Variants in MDGA2 observed in about 807,000 individuals in gnomAD.
MDGA2 encodes MAM domain containing glycosylphosphatidylinositol anchor 2, also known as MAM domain-containing glycosylphosphatidylinositol anchor protein 2.
Under a neutral mutation model 117.8 loss-of-function variants are expected in MDGA2, and 40 were observed. That is an observed-to-expected ratio of 0.34 (90% CI 0.26 to 0.44). The LOEUF is 0.44. Among genes scored for constraint, MDGA2 ranks in the 20% least tolerant of loss-of-function variants. The pLI, the probability that MDGA2 is intolerant of heterozygous loss-of-function variation, is 1.00. For synonymous variants in MDGA2, 452 were observed against 439.0 expected (o/e 1.03, Z -0.37); for missense variants, 1,123 against 1,250.6 (o/e 0.90, Z 1.54).
intron 1 of MDGA2, among the ~76,000 whole-genome samples, chr14:47,456,224 A>C (rs908778227): frequency 6.6e-6 from 1 of 151,690 alleles, no homozygotes; most frequent in Non-Finnish European, 1.5e-5. Flanking sequence ...ATAATGGAAA[A>C]GTTGTCAAGA....
chr14:47,165,072 A>G (rs1010274255), intron 3 of MDGA2, among the ~76,000 whole-genome samples: 1 of 151,460 alleles, frequency 6.6e-6, no homozygotes, highest in Admixed American at 6.6e-5. Flanking sequence ...GGACACAGGA[A>G]GGGGAACATC....
At chr14:46,974,477 C>CACTACAGAG (rs1886380917) in intron 8 of MDGA2, among the ~76,000 whole-genome samples, 1 of 152,042 alleles carries the variant, frequency 6.6e-6, no homozygotes, top group Non-Finnish European at 1.5e-5. Flanking sequence ...TTTCAAAAGT[C>CACTACAGAG]ACTACAGAGC....
intron 8 of MDGA2, among the ~76,000 whole-genome samples, chr14:46,981,347 T>C (rs1886665355): frequency 2.6e-5 from 4 of 151,672 alleles, no homozygotes; most frequent in Admixed American, 2.6e-4. Context: ...GAGGTTGCAG[T>C]GAGCAGAGAT....
At chr14:47,606,297 C>A (rs567321261) in intron 1 of MDGA2, among the ~76,000 whole-genome samples, 4 of 152,132 alleles carry the variant, frequency 2.6e-5, no homozygotes, top group African/African-American at 9.7e-5. Context: ...TTTAATCCCA[C>A]GTAATTTCTT....
intron 3 of MDGA2, among the ~76,000 whole-genome samples, chr14:47,154,481 C>T (rs143026334): frequency 6.6e-6 from 1 of 152,282 alleles, no homozygotes; most frequent in Non-Finnish European, 1.5e-5. Context: ...AGCAGTGGAC[C>T]CGGACATCCC....
Position 47,672,570 on chromosome 14 carries a change from C to G in MDGA2, c.280+1947G>C, listed in dbSNP as rs146774209. Among the ~76,000 whole-genome samples, 284 of 152,302 alleles carry G rather than the reference C, an allele frequency of 1.9e-3. 1 individual carries two copies. Among genetic ancestry groups the G allele is most frequent in the African/African-American group, 6.6e-3 (273 of 41,558 alleles). ...CCAGCAATGTACCACTGTCTCCCCA[C>G]GTCCCCAACCTTTCTCACTTCTCAT... is the stretch of plus-strand genomic sequence containing the variant. On this transcript the variant is annotated intron_variant, in intron 1 of 16. Transcript: ENST00000399232.
At chr14:47,165,107 G>A (rs1883812645) in intron 3 of MDGA2, among the ~76,000 whole-genome samples, 1 of 152,110 alleles carries the variant, frequency 6.6e-6, no homozygotes, top group African/African-American at 2.4e-5. Context: ...GTTGTGGGGT[G>A]GGGGCAGGGG....
At chr14:47,082,209 G>A (rs151318537) in intron 6 of MDGA2, among the ~76,000 whole-genome samples, 446 of 151,816 alleles carry the variant, frequency 2.9e-3, no homozygotes, top group African/African-American at 0.01. Context: ...TGGGGTCACT[G>A]GCAGCTGATC....
intron 6 of MDGA2, among the ~76,000 whole-genome samples, chr14:47,088,574 A>G (rs904390418): frequency 2.0e-5 from 3 of 152,200 alleles, no homozygotes; most frequent in African/African-American, 7.2e-5. Context: ...CTGGAAATTC[A>G]CCACTAATTT....
intron 8 of MDGA2, among the ~76,000 whole-genome samples, chr14:47,009,036 A>G (rs1462249895): frequency 6.6e-6 from 1 of 151,986 alleles, no homozygotes; most frequent in Non-Finnish European, 1.5e-5. Context: ...AATAATGTGT[A>G]TTTGTTCCTA....
chr14:47,419,953 A>C (rs1195116675), intron 1 of MDGA2, among the ~76,000 whole-genome samples: 1 of 152,098 alleles, frequency 6.6e-6, no homozygotes, highest in Non-Finnish European at 1.5e-5. Context: ...TTAAAAGGTA[A>C]CAAGATATAA....
Position 47,609,985 on chromosome 14 carries a change from G to A in MDGA2, c.280+64532C>T, listed in dbSNP as rs138976974. ...AATCCTTAACACAATACTAGCTAACGGAATCCACCATGATCAAGTGGGTTT... is the reference window on the plus strand; with the variant it reads ...AATCCTTAACACAATACTAGCTAACAGAATCCACCATGATCAAGTGGGTTT... On this transcript the variant is annotated intron_variant, in intron 1 of 16. Coordinates refer to ENST00000399232, the MANE Select transcript of MDGA2 (RefSeq NM_001113498.3). Among the ~76,000 whole-genome samples the A allele has an allele frequency of 7.9e-4, 120 of 151,698 alleles. 1 individual carries two copies. Among genetic ancestry groups the A allele is most frequent in the African/African-American group, 2.6e-3 (109 of 41,414 alleles).
chr14:47,287,001 T>A (rs1306587030), intron 2 of MDGA2, among the ~76,000 whole-genome samples: 17 of 151,794 alleles, frequency 1.1e-4, no homozygotes, highest in Admixed American at 1.1e-3. Flanking sequence ...TTTAAGTCTT[T>A]CCTTGTGTGA....
At chr14:47,499,581 TG>T (rs1231525709) in intron 1 of MDGA2, among the ~76,000 whole-genome samples, 1 of 152,148 alleles carries the variant, frequency 6.6e-6, no homozygotes, top group Non-Finnish European at 1.5e-5. Context: ...ATCTGAACAG[TG>T]CAGTTGTCCT....
At chr14:46,919,047 C>A (rs956152009) in intron 10 of MDGA2, among the ~76,000 whole-genome samples, 1 of 152,104 alleles carries the variant, frequency 6.6e-6, no homozygotes, top group Non-Finnish European at 1.5e-5. Context: ...CAGGCGTGAG[C>A]CACCGCGCCC....
At chr14:47,221,086 G>T (rs548541060) in intron 2 of MDGA2, among the ~76,000 whole-genome samples, 3 of 152,142 alleles carry the variant, frequency 2.0e-5, no homozygotes, top group Non-Finnish European at 4.4e-5. Flanking sequence ...ATTTCCTTGG[G>T]TTAGTATACA....
At chr14:47,646,478 A>G (rs915010337) in intron 1 of MDGA2, among the ~76,000 whole-genome samples, 1 of 152,150 alleles carries the variant, frequency 6.6e-6, no homozygotes, top group Non-Finnish European at 1.5e-5. Flanking sequence ...TGCATGCTTC[A>G]GAGTCTTTCT....
chr14:47,173,753 A>C (rs1476196291), intron 3 of MDGA2, among the ~76,000 whole-genome samples: 7 of 151,562 alleles, frequency 4.6e-5, no homozygotes, highest in African/African-American at 4.9e-5. Context: ...AACGAGCAAA[A>C]TAACCAGCTA....
intron 8 of MDGA2, among the ~76,000 whole-genome samples, chr14:46,969,974 A>ATC (rs1886200370): frequency 7.0e-6 from 1 of 143,352 alleles, no homozygotes. Context: ...ATATATATAT[A>ATC]TATGGAATAA....
Sources: allele counts gnomAD v4.1 joint callset (sites outside exome capture counted in the v4.1 genomes callset), GRCh38; gene constraint gnomAD v4.1.1; transcripts MANE v1.5; gene names NCBI Gene and HGNC (gene_info 2026-07-23, HGNC 2026-07-21).